The following FAM13C variants were observed in gnomAD, a reference collection of about 807,000 sequenced individuals.
The protein encoded by FAM13C is family with sequence similarity 13 member C.
Under a neutral mutation model 73.2 loss-of-function variants are expected in FAM13C, and 37 were observed. The ratio of observed to expected loss-of-function variants is 0.51; its 90% confidence interval spans 0.39 to 0.67. The LOEUF is 0.67. Ranked by LOEUF, FAM13C falls within the 30% of genes least tolerant of loss-of-function variation. The pLI is 0.00. For synonymous variants in FAM13C, 246 were observed against 260.9 expected, an observed-to-expected ratio of 0.94 and a Z score of 0.55; for missense variants, 589 against 715.6, an observed-to-expected ratio of 0.82 and a Z score of 2.02.
At chr10:59,362,595 A>G (rs528257344), upstream of FAM13C, 4 of 1,504,538 alleles carry the variant, frequency 2.7e-6, no homozygotes, top group Non-Finnish European at 2.7e-6. Context: ...CTGTCTGCAC[A>G]TGCTCGTAAC....
chr10:59,320,043 G>A (rs1850014523), intron 4 of FAM13C, among the ~76,000 whole-genome samples: 1 of 152,152 alleles, frequency 6.6e-6, no homozygotes, highest in South Asian at 2.1e-4. Flanking sequence ...AAGGATTGAA[G>A]CAGGCATTAT....
chr10:59,254,869 C>T (rs1841799436), intron 10 of FAM13C, among the ~76,000 whole-genome samples: 1 of 152,078 alleles, frequency 6.6e-6, no homozygotes, highest in Non-Finnish European at 1.5e-5. Flanking sequence ...CCCCCAGTTA[C>T]AGGTGTGAGC....
At chr10:59,361,404 T>C (rs1376084791) in intron 1 of FAM13C, among the ~76,000 whole-genome samples, 1 of 152,176 alleles carries the variant, frequency 6.6e-6, no homozygotes, top group Non-Finnish European at 1.5e-5. Flanking sequence ...ATTTATTTGC[T>C]TTTTAGGGAA....
At position 59,256,907 on chromosome 10, in the gene FAM13C, A is replaced by T. The variant is rs75162314; in HGVS notation, c.1237-2464T>A. Among the ~76,000 whole-genome samples, 1,368 of 152,268 alleles carry T rather than the reference A, an allele frequency of 9.0e-3. 29 individuals are homozygous for T. The highest frequency in any genetic ancestry group is 0.031 in the African/African-American group (1,289 of 41,550). The stretch of plus-strand genomic sequence containing the variant: ...CAATGGCTCTCTCTTTCTGAAGTAC[A>T]TCCTCCTTCCTCCCTAATTCTATAG... On this transcript the variant is annotated intron_variant, in intron 10 of 13. Coordinates refer to ENST00000618804, the MANE Select transcript of FAM13C (RefSeq NM_198215.4).
rs561370220 is a variant in FAM13C, at chr10:59,286,216, T to C, written c.508-2769A>G. Among the ~76,000 whole-genome samples the C allele has an allele frequency of 3.3e-5, 5 of 151,820 alleles. No homozygotes were observed. In the East Asian group the frequency reaches 9.7e-4, roughly 30 times the overall value. On this transcript the variant is annotated intron_variant, in intron 5 of 13. Coordinates refer to ENST00000618804, the MANE Select transcript of FAM13C (RefSeq NM_198215.4). The stretch of plus-strand genomic sequence containing the variant: ...TCCCACTTGCATAAGATATTTAGAG[T>C]AGTAAAATTCATCGAAGCTGGAAGC...
Position 59,301,958 on chromosome 10 carries a change from C to T in FAM13C, c.507+843G>A, listed in dbSNP as rs372760789. ...AATCACCTAAATTAAGTGAAATACC[C>T]TTTTTGTGGGGTGGGAGAGGAAGAG... On this transcript the variant is annotated intron_variant, in intron 5 of 13. Coordinates refer to ENST00000618804, the MANE Select transcript of FAM13C (RefSeq NM_198215.4). Among the ~76,000 whole-genome samples, 70 of 152,256 alleles carry T rather than the reference C, an allele frequency of 4.6e-4. 1 individual carries two copies. Among genetic ancestry groups the T allele is most frequent in the African/African-American group, 1.5e-3 (64 of 41,540 alleles).
At chr10:59,272,481 GTCCAGGCCACTGCT>G (rs1170587926) in intron 6 of FAM13C, among the ~76,000 whole-genome samples, 1 of 152,206 alleles carries the variant, frequency 6.6e-6, no homozygotes, top group African/African-American at 2.4e-5. Flanking sequence ...CCTGGGAAGA[GTCCAGGCCACTGCT>G]TCCAGACCCT....
intron 10 of FAM13C, among the ~76,000 whole-genome samples, chr10:59,255,006 G>C (rs190254272): frequency 1.3e-5 from 2 of 152,060 alleles, no homozygotes; most frequent in African/African-American, 4.8e-5. Flanking sequence ...TCTGAAATGC[G>C]TAAGTGTTAA....
At chr10:59,335,065 A>G (rs758823649) in intron 3 of FAM13C, among the ~76,000 whole-genome samples, 6 of 152,196 alleles carry the variant, frequency 3.9e-5, no homozygotes, top group Non-Finnish European at 8.8e-5. Flanking sequence ...AAGCAGGACA[A>G]ACTCTACAGT....
At chr10:59,324,311 C>A (rs1328019229) in intron 3 of FAM13C, among the ~76,000 whole-genome samples, 3 of 151,686 alleles carry the variant, frequency 2.0e-5, no homozygotes, top group African/African-American at 7.3e-5. Flanking sequence ...AGAATAAAGA[C>A]AAAAATCATA....
At position 59,259,203 on chromosome 10, in the gene FAM13C, C is replaced by CA. The variant is rs1179185989; in HGVS notation, c.1236+3230dup. Among the ~76,000 whole-genome samples the CA allele has an allele frequency of 2.0e-5, 3 of 152,130 alleles. No individual in the cohort carries two copies. The East Asian group carries it at 5.8e-4, about 29-fold the overall frequency. ...TACTCATTGACAGTATCTGAAGCAA[C>CA]AAGGCAATGCTATAGGATTTATCAG... On this transcript the variant is annotated intron_variant, in intron 10 of 13. Transcript: ENST00000618804.
At position 59,356,084 on chromosome 10, in the gene FAM13C, G is replaced by C. The variant is rs1855681848; in HGVS notation, c.63-141C>G. ...TATCATTCTCTCCCAAATAAGTTCT[G>C]ATTCCTATGTCTCCCAGTTTATGAT... On this transcript the variant is annotated intron_variant, in intron 1 of 13. Transcript: ENST00000618804. The C allele has an allele frequency of 7.7e-6, 6 of 774,946 alleles. No individual in the cohort carries two copies. The Admixed American group carries it at 1.0e-4, about 14-fold the overall frequency. 48.0% of individuals were successfully genotyped at this position (774,946 alleles called of 1,614,324 possible).
chr10:59,247,357 T>G lies in FAM13C; in HGVS notation c.*257A>C. ...TAGACATTTTTAAAAATACTTGTATTGACTATGAGTTTTCTGCTTGGCATG... is the reference window on the plus strand; with the variant it reads ...TAGACATTTTTAAAAATACTTGTATGGACTATGAGTTTTCTGCTTGGCATG... On this transcript the variant is annotated 3_prime_UTR_variant, in exon 14 of 14. Coordinates refer to ENST00000618804, the MANE Select transcript of FAM13C (RefSeq NM_198215.4). The G allele has an allele frequency of 2.3e-6, 1 of 432,522 alleles. No homozygotes were observed. Among genetic ancestry groups the G allele is most frequent in the Non-Finnish European group, 4.1e-6 (1 of 245,180 alleles). 26.8% of individuals were successfully genotyped at this position (432,522 alleles called of 1,614,324 possible). A position where few individuals can be genotyped will look rare whatever the true frequency, so the allele number is the denominator to read the frequency against.
In FAM13C at chr10:59,361,117, A is replaced by C. The variant is rs1050312823; in HGVS notation, c.62+1282T>G. ...CTCTCCCCTTCTCTCAGGCCTTTAG[A>C]AAAGCAACATTGCAGCACAGGTTAC... On this transcript the variant is annotated intron_variant, in intron 1 of 13. Coordinates refer to ENST00000618804, the MANE Select transcript of FAM13C (RefSeq NM_198215.4). 5 of 1,288,900 alleles carry C rather than the reference A, an allele frequency of 3.9e-6. No homozygotes were observed. In the African/African-American group the frequency reaches 7.6e-5, roughly 20 times the overall value. The allele number at this position is 1,288,900 out of a possible 1,614,324, so 79.8% of individuals were successfully genotyped here. A position where few individuals can be genotyped will look rare whatever the true frequency, so the allele number is the denominator to read the frequency against.
intron 4 of FAM13C, among the ~76,000 whole-genome samples, chr10:59,313,406 A>C (rs2133947533): frequency 6.6e-6 from 1 of 152,320 alleles, no homozygotes. Context: ...CACACGAGCA[A>C]GATCAGCAAG....
intron 3 of FAM13C, among the ~76,000 whole-genome samples, chr10:59,333,614 C>G (rs150440342): frequency 6.6e-6 from 1 of 152,170 alleles, no homozygotes; most frequent in Non-Finnish European, 1.5e-5. Flanking sequence ...CCTGTTGATA[C>G]GGAATCTCTA....
At position 59,279,091 on chromosome 10, in the gene FAM13C, C is replaced by G. The variant is rs114852801; in HGVS notation, c.592+4272G>C. On this transcript the variant is annotated intron_variant, in intron 6 of 13. Coordinates refer to ENST00000618804, the MANE Select transcript of FAM13C (RefSeq NM_198215.4). Reference sequence around the variant, plus strand: ...CAGCAGGAACATATTTCATGTCACCCCTGGAGTGGCACCGTGTTCTATAAA... The same window carrying G: ...CAGCAGGAACATATTTCATGTCACCGCTGGAGTGGCACCGTGTTCTATAAA... 3.1e-3 allele frequency among the ~76,000 whole-genome samples: 476 copies of G among 152,302 alleles called. 5 individuals are homozygous for G. The highest frequency in any genetic ancestry group is 0.011 in the African/African-American group (449 of 41,578).
chr10:59,256,381 G>A (rs989894664), intron 10 of FAM13C, among the ~76,000 whole-genome samples: 1 of 151,976 alleles, frequency 6.6e-6, no homozygotes, highest in Non-Finnish European at 1.5e-5. Context: ...TTCTAGAAAA[G>A]CTAAATTTAA....
intron 3 of FAM13C, among the ~76,000 whole-genome samples, chr10:59,336,111 T>C (rs1852689021): frequency 6.6e-6 from 1 of 152,200 alleles, no homozygotes; most frequent in African/African-American, 2.4e-5. Flanking sequence ...ATAACTTAAA[T>C]GGTTGGAAAA....
Sources: gnomAD v4.1 joint callset for allele counts (sites outside exome capture counted in the v4.1 genomes callset) on GRCh38, gnomAD v4.1.1 for gene constraint, MANE v1.5 for transcripts, NCBI Gene and HGNC (gene_info 2026-07-23, HGNC 2026-07-21) for gene names.